The following NOCT variants were observed in gnomAD, a reference collection of about 807,000 sequenced individuals.
NOCT encodes the protein nocturnin.
Under a neutral mutation model 35.0 loss-of-function variants are expected in NOCT, and 18 were observed. The ratio of observed to expected loss-of-function variants is 0.51; its 90% CI spans 0.36 to 0.76. NOCT has a LOEUF of 0.76. Ranked by LOEUF, NOCT falls within the 30% of genes least tolerant of loss-of-function variation. The pLI is 0.01. For missense variants in NOCT, 479 were observed against 541.0 expected (o/e 0.89, Z 1.14); for synonymous variants, 235 against 226.3 (o/e 1.04, Z -0.34).
In NOCT at chr4:139,022,537, A is replaced by G. The variant is rs1002911620; in HGVS notation, c.190+6366A>G. Among the ~76,000 whole-genome samples the G allele has an allele frequency of 4.6e-5, 7 of 152,134 alleles. No individual in the cohort carries two copies. In the East Asian group the frequency reaches 7.7e-4, roughly 17 times the overall value. ...GGCCTGAGCATCTGCTGATTCTGACATAGGCTCCGGGTAGACAACAGCCAC... is the reference window on the plus strand; with the variant it reads ...GGCCTGAGCATCTGCTGATTCTGACGTAGGCTCCGGGTAGACAACAGCCAC... On this transcript the variant is annotated intron_variant, in intron 1 of 2. Transcript: ENST00000280614.
At chr4:139,023,297 T>C (rs1726449614) in intron 1 of NOCT, among the ~76,000 whole-genome samples, 1 of 152,126 alleles carries the variant, frequency 6.6e-6, no homozygotes, top group Admixed American at 6.6e-5. Flanking sequence ...TGACTGCAAA[T>C]ATCTTGTCTA....
At chr4:139,028,155 G>A (rs1250065997) in intron 1 of NOCT, 2 of 152,224 alleles carry the variant, frequency 1.3e-5, no homozygotes, top group Non-Finnish European at 2.9e-5. Flanking sequence ...TGCTAGAAAA[G>A]CCCAGCTTGT....
At chr4:139,026,430 A>G (rs1186015459) in intron 1 of NOCT, among the ~76,000 whole-genome samples, 2 of 151,984 alleles carry the variant, frequency 1.3e-5, no homozygotes, top group African/African-American at 4.8e-5. Context: ...GTCTCTTTAT[A>G]TAGCCCAGGC....
chr4:139,016,002 G>A lies in NOCT; in HGVS notation c.21G>A (p.Arg7=). 7.2e-7 allele frequency: 1 copy of A among 1,389,626 alleles called. No individual in the cohort carries two copies. The highest frequency in any genetic ancestry group is 9.3e-7 in the Non-Finnish European group (1 of 1,073,570). The allele number at this position is 1,389,626 out of a possible 1,614,324, so 86.1% of individuals were successfully genotyped here. A position where few individuals can be genotyped will look rare whatever the true frequency, so the allele number is the denominator to read the frequency against. Residue 7 remains arginine, a synonymous_variant, in exon 1 of 3, where the codon CGG becomes CGA. Coordinates refer to ENST00000280614, the MANE Select transcript of NOCT (RefSeq NM_012118.4). Reference sequence around the variant, plus strand: ...CCGGCATGTTTCATAGTCCGCGGCGGCTCTGCTCGGCCCTGCTGCAGAGGG... The same window carrying A: ...CCGGCATGTTTCATAGTCCGCGGCGACTCTGCTCGGCCCTGCTGCAGAGGG... MFHSPR[R]LCSALLQRDA...
Position 139,045,267 on chromosome 4 carries a change from C to G in NOCT, c.1089C>G (p.Thr363=). 4 of 1,614,148 alleles carry G rather than the reference C, an allele frequency of 2.5e-6. No individual in the cohort carries two copies. Among genetic ancestry groups the G allele is most frequent in the Non-Finnish European group, 3.4e-6 (4 of 1,180,040 alleles). The stretch of plus-strand genomic sequence containing the variant: ...GGCAGTCAGAACCCCCATACACTAC[C>G]TGGAAGATCCGGACCTCAGGGGAGT... ...ADGQSEPPYT[T]WKIRTSGECR... is the part of the protein sequence containing the mutation. Residue 363 remains threonine, a synonymous_variant, in exon 3 of 3, where the codon ACC becomes ACG. Transcript: ENST00000280614.
intron 1 of NOCT, among the ~76,000 whole-genome samples, chr4:139,030,602 G>T (rs1285161487): frequency 6.6e-6 from 1 of 152,110 alleles, no homozygotes; most frequent in African/African-American, 2.4e-5. Flanking sequence ...AGCTAAGCCT[G>T]GTTGCTATGA....
intron 1 of NOCT, among the ~76,000 whole-genome samples, chr4:139,039,369 G>C (rs879898499): frequency 4.7e-4 from 5 of 10,544 alleles, no homozygotes; most frequent in Non-Finnish European, 2.2e-3. Flanking sequence ...ATGACAATCT[G>C]ATTTTTTTTT....
At chr4:139,042,976 C>T in intron 1 of NOCT, 98 bp from the exon 2 acceptor site, 8 of 1,146,178 alleles carry the variant, frequency 7.0e-6, no homozygotes, top group Non-Finnish European at 9.9e-6. Context: ...AATTGAGCTC[C>T]TGGTTTCGGT....
chr4:139,041,578 A>T (rs1224297140), intron 1 of NOCT, among the ~76,000 whole-genome samples: 1 of 152,232 alleles, frequency 6.6e-6, no homozygotes, highest in Non-Finnish European at 1.5e-5. Context: ...TAATTAGTTG[A>T]AGATTATGCT....
At chr4:139,038,190 CTG>C (rs1271395558) in intron 1 of NOCT, among the ~76,000 whole-genome samples, 1 of 151,400 alleles carries the variant, frequency 6.6e-6, no homozygotes, top group Non-Finnish European at 1.5e-5. Context: ...CAGAGTGAGA[CTG>C]TCTCAAATAA....
chr4:139,042,638 G>A lies in NOCT; in HGVS notation c.191-436G>A, dbSNP rs146793867. Among the ~76,000 whole-genome samples, 161 of 152,254 alleles carry A rather than the reference G, an allele frequency of 1.1e-3. 2 individuals are homozygous for A. The highest frequency in any genetic ancestry group is 2.1e-4 in the Non-Finnish European group (14 of 68,008). On this transcript the variant is annotated intron_variant, in intron 1 of 2. Transcript: ENST00000280614. ...CTCTGTAGAAATGGCTTTATACGCC[G>A]GGCGTGGTGGCTCATGCTTGTAATC...
Position 139,045,832 on chromosome 4 carries a change from A to C in NOCT, c.*358A>C, listed in dbSNP as rs535263276. On this transcript the variant is annotated 3_prime_UTR_variant, in exon 3 of 3. Transcript: ENST00000280614. ...GCCAGAGGAAGGATAGAAACATGGG[A>C]AGTTTCTATCATTTCATTTTCTGCG... 5.0e-4 allele frequency: 83 copies of C among 164,648 alleles called. No individual in the cohort carries two copies. In the Middle Eastern group the frequency reaches 0.011, roughly 22 times the overall value. The allele number at this position is 164,648 out of a possible 1,614,324, so 10.2% of individuals were successfully genotyped here.
chr4:139,044,321 A>T (rs1002917419), intron 2 of NOCT, among the ~76,000 whole-genome samples: 4 of 152,208 alleles, frequency 2.6e-5, no homozygotes, highest in African/African-American at 9.6e-5. Context: ...AAAAAATTTT[A>T]AAAGAAAATT....
At chr4:139,032,295 G>A (rs907101418) in intron 1 of NOCT, among the ~76,000 whole-genome samples, 1 of 152,124 alleles carries the variant, frequency 6.6e-6, no homozygotes, top group African/African-American at 2.4e-5. Context: ...TGGACACTAG[G>A]CAGAAGAGAT....
Position 139,034,178 on chromosome 4 carries a change from G to A in NOCT, c.191-8896G>A, listed in dbSNP as rs181231737. 3.2e-3 allele frequency among the ~76,000 whole-genome samples: 488 copies of A among 152,162 alleles called. 1 individual carries two copies. The highest frequency in any genetic ancestry group is 0.011 in the African/African-American group (469 of 41,508). ...GGAAGGTCAAGAGAGGGCTGAACTC[G>A]CCCTTTTATAAGGAACCCACCCCTG... On this transcript the variant is annotated intron_variant, in intron 1 of 2. Coordinates refer to ENST00000280614, the MANE Select transcript of NOCT (RefSeq NM_012118.4).
chr4:139,017,238 T>C (rs947080902), intron 1 of NOCT, among the ~76,000 whole-genome samples: 10 of 150,152 alleles, frequency 6.7e-5, no homozygotes, highest in Non-Finnish European at 1.0e-4. Flanking sequence ...TTTTTTTTTT[T>C]TTTTTTGAGA....
chr4:139,020,979 A>C (rs962601172), intron 1 of NOCT, among the ~76,000 whole-genome samples: 2 of 151,412 alleles, frequency 1.3e-5, no homozygotes, highest in African/African-American at 4.9e-5. Context: ...AGGCAGGAGA[A>C]TCACTTGAAC....
At chr4:139,023,111 AAG>A (rs914343111) in intron 1 of NOCT, among the ~76,000 whole-genome samples, 2 of 152,046 alleles carry the variant, frequency 1.3e-5, no homozygotes, top group African/African-American at 2.4e-5. Context: ...AAAAAAAAAA[AAG>A]AAGTTATGAT....
chr4:139,021,790 C>T (rs1285718975), intron 1 of NOCT, among the ~76,000 whole-genome samples: 1 of 143,578 alleles, frequency 7.0e-6, no homozygotes, highest in Non-Finnish European at 1.5e-5. Flanking sequence ...GACAGTTTTG[C>T]TCTTGTTGCC....
Sources: allele counts gnomAD v4.1 joint callset (sites outside exome capture counted in the v4.1 genomes callset), GRCh38; gene constraint gnomAD v4.1.1; transcripts MANE v1.5; gene names NCBI Gene and HGNC (gene_info 2026-07-23, HGNC 2026-07-21).